Variants in ZNF670 observed in about 807,000 individuals in gnomAD.
ZNF670 encodes zinc finger protein 670.
ZNF670 carries 7 observed loss-of-function variants against 10.9 expected under a neutral mutation model. The observed-to-expected ratio is 0.64, with a 90% confidence interval of 0.36 to 1.20. The LOEUF is 1.20. Ranked by LOEUF, ZNF670 falls within the 50% of genes most tolerant of loss-of-function variation. The probability of loss-of-function intolerance (pLI) is 0.02; values close to 1 mark genes in which losing one functional copy is unlikely to be tolerated. For synonymous variants in ZNF670, 136 were observed against 152.7 expected, an observed-to-expected ratio of 0.89 and a Z score of 0.81; for missense variants, 446 against 458.6, an observed-to-expected ratio of 0.97 and a Z score of 0.25.
At chr1:247,056,993 G>A (rs773888325) in intron 1 of ZNF670, among the ~76,000 whole-genome samples, 13 of 152,140 alleles carry the variant, frequency 8.5e-5, no homozygotes, top group Non-Finnish European at 1.9e-4. Context: ...AAACATGGAC[G>A]AATGAGATCC....
chr1:247,051,874 T>C (rs1438725319), intron 1 of ZNF670, among the ~76,000 whole-genome samples: 1 of 152,004 alleles, frequency 6.6e-6, no homozygotes, highest in Non-Finnish European at 1.5e-5. Context: ...TTCACTTCTA[T>C]TGTTGAAACT....
intron 1 of ZNF670, among the ~76,000 whole-genome samples, chr1:247,060,610 T>G (rs1009387290): frequency 6.6e-6 from 1 of 152,164 alleles, no homozygotes; most frequent in African/African-American, 2.4e-5. Flanking sequence ...CAGGTAAATA[T>G]GGGAACTCCG....
At chr1:247,050,600 C>T (rs565807029) in intron 1 of ZNF670, among the ~76,000 whole-genome samples, 5 of 152,072 alleles carry the variant, frequency 3.3e-5, no homozygotes, top group Admixed American at 6.5e-5. Context: ...CTCAGCCACC[C>T]GAATAGCTGG....
intron 1 of ZNF670, among the ~76,000 whole-genome samples, chr1:247,065,362 T>C (rs367555940): frequency 8.3e-4 from 126 of 152,316 alleles, no homozygotes; most frequent in African/African-American, 3.0e-3. Flanking sequence ...CCAGAAGTGA[T>C]GAGTCCCTGG....
chr1:247,052,073 T>C (rs1112137), intron 1 of ZNF670, among the ~76,000 whole-genome samples: 53,472 of 151,606 alleles, frequency 0.35, 10,867 homozygotes, highest in African/African-American at 0.55. Flanking sequence ...AATCAACCTT[T>C]TAAATTCTTT....
chr1:247,076,317 C>T (rs966757098), intron 1 of ZNF670, among the ~76,000 whole-genome samples: 2 of 150,910 alleles, frequency 1.3e-5, no homozygotes, highest in African/African-American at 2.4e-5. Context: ...AGTGCAGTGG[C>T]GTGATCTCAG....
chr1:247,038,421 A>T lies in ZNF670; in HGVS notation c.198T>A (p.His66Gln). 1 of 1,602,736 alleles carries T rather than the reference A, an allele frequency of 6.2e-7. No individual in the cohort carries two copies. Among genetic ancestry groups the T allele is most frequent in the South Asian group, 1.1e-5 (1 of 89,926 alleles). The part of the protein sequence containing the change: ...FKNPGRNLSS[H>Q]VVERLFEIKE... ...TAATTTCAAACAGTCTCTCTACCAC[A>T]TGACTGCTGTAAAAATGATAAACAT... Residue 66 changes from histidine to glutamine, a missense_variant, in exon 4 of 4, where the codon CAT becomes CAA. Physicochemically the swap from His to Gln is conservative, Grantham distance 24. Coordinates refer to ENST00000366503, the MANE Select transcript of ZNF670 (RefSeq NM_033213.5).
chr1:247,042,715 G>C (rs1670346224), intron 1 of ZNF670: 1 of 358,564 alleles, frequency 2.8e-6, no homozygotes, highest in Non-Finnish European at 5.1e-6. Context: ...AATGGAGACA[G>C]ACACTTCTGA....
intron 1 of ZNF670, chr1:247,043,209 A>T: frequency 1.4e-6 from 1 of 709,914 alleles, no homozygotes; most frequent in Non-Finnish European, 2.6e-6. Flanking sequence ...GGCCATACGC[A>T]TCACTAACAC....
chr1:247,037,455 C>T lies in ZNF670; in HGVS notation c.1164G>A (p.Met388Ile). 6.2e-7 allele frequency: 1 copy of T among 1,604,834 alleles called. No individual in the cohort carries two copies. The highest frequency in any genetic ancestry group is 8.5e-7 in the Non-Finnish European group (1 of 1,176,728). The change falls in exon 4 of 4, where the codon ATG (methionine) becomes ATA (isoleucine). Residue 388 changes from methionine to isoleucine, a missense_variant. Coordinates refer to ENST00000366503, the MANE Select transcript of ZNF670 (RefSeq NM_033213.5). ...SSLRKHERAY[M>I]W ...GTTTTGTTGTTGTTGTTTTTTACCA[C>T]ATATAAGCTCTTTCATGCTTTCGAA... is the stretch of plus-strand genomic sequence containing the variant.
In ZNF670 at chr1:247,037,985, G is replaced by C. The variant is rs929160463; in HGVS notation, c.634C>G (p.Leu212Val). ...GTATGAGTTCTTTCATGTTCACGAA[G>C]ATAACTTGAATAATTGAAGGCTTTA... Reference protein sequence around the residue: ...CDKAFNYSSYLREHERTHTGE... With the variant: ...CDKAFNYSSYVREHERTHTGE... The change falls in exon 4 of 4, where the codon CTT (leucine) becomes GTT (valine). Residue 212 changes from leucine (L) to valine (V), a missense_variant. Physicochemically the swap from Leu to Val is conservative, Grantham distance 32 (BLOSUM62 1). Transcript: ENST00000366503. 4.3e-6 allele frequency: 7 copies of C among 1,613,450 alleles called. No individual in the cohort carries two copies. The highest frequency in any genetic ancestry group is 5.9e-6 in the Non-Finnish European group (7 of 1,179,770).
Position 247,039,157 on chromosome 1 carries a change from C to G in ZNF670, c.130+254G>C, listed in dbSNP as rs1298515013. ...CACTGCAACCTCCACTTCCTAGGTTCCAGCAATTAACCTGTCTCAGGCTCC... is the reference window on the plus strand; with the variant it reads ...CACTGCAACCTCCACTTCCTAGGTTGCAGCAATTAACCTGTCTCAGGCTCC... On this transcript the variant is annotated intron_variant, in intron 2 of 3. Transcript: ENST00000366503. 2.0e-5 allele frequency among the ~76,000 whole-genome samples: 3 copies of G among 149,172 alleles called. No individual in the cohort carries two copies. In the Admixed American group the frequency reaches 2.0e-4, roughly 10 times the overall value.
intron 2 of ZNF670, among the ~76,000 whole-genome samples, 190 bp from the exon 3 acceptor site, chr1:247,039,060 C>CTTTTTTTT (rs3078762): frequency 2.1e-4 from 26 of 125,624 alleles, no homozygotes; most frequent in African/African-American, 4.6e-4. Context: ...TTCTTTCTTT[C>CTTTTTTTT]TTTTTTTTTT....
chr1:247,037,891 T>A lies in ZNF670; in HGVS notation c.728A>T (p.His243Leu), dbSNP rs200652027. 1.2e-6 allele frequency: 2 copies of A among 1,614,058 alleles called. No individual in the cohort carries two copies. Among genetic ancestry groups the A allele is most frequent in the South Asian group, 2.2e-5 (2 of 91,034 alleles). ...SFTFSSSLRQ[H>L]ERSHTGEKPY... ...TTTCTCTCCAGTATGAGATCTTTCA[T>A]GTTGGCGAAGAGAACTGGAAAAAGT... Residue 243 changes from histidine to leucine, a missense_variant, in exon 4 of 4, where the codon CAT (histidine) becomes CTT (leucine). Physicochemically the swap from His to Leu is moderately conservative, Grantham distance 99 (BLOSUM62 -3). Transcript: ENST00000366503.
At chr1:247,076,356 A>C (rs1332245014) in intron 1 of ZNF670, among the ~76,000 whole-genome samples, 2 of 150,612 alleles carry the variant, frequency 1.3e-5, no homozygotes, top group African/African-American at 4.9e-5. Flanking sequence ...TCCTAGGTTC[A>C]CGCCATTCTC....
chr1:247,035,145 G>A lies in ZNF670; in HGVS notation c.*2304C>T, dbSNP rs567443480. 1.3e-5 allele frequency among the ~76,000 whole-genome samples: 2 copies of A among 152,326 alleles called. No individual in the cohort carries two copies. The highest frequency in any genetic ancestry group is 2.9e-5 in the Non-Finnish European group (2 of 68,028). The stretch of plus-strand genomic sequence containing the variant: ...TAGACAAAAGCAGGTAGTTAAAGCT[G>A]AAAAGATATCATCAGTCATGGTTGG... On this transcript the variant is annotated 3_prime_UTR_variant, in exon 4 of 4. Transcript: ENST00000366503.
At chr1:247,063,390 T>C (rs999149108) in intron 1 of ZNF670, among the ~76,000 whole-genome samples, 2 of 151,958 alleles carry the variant, frequency 1.3e-5, no homozygotes, top group African/African-American at 2.4e-5. Flanking sequence ...GAGACCATCC[T>C]GGCTAACACG....
chr1:247,063,807 G>A (rs1254096020), intron 1 of ZNF670, among the ~76,000 whole-genome samples: 3 of 152,148 alleles, frequency 2.0e-5, no homozygotes, highest in African/African-American at 2.4e-5. Context: ...ACTCTCCTCC[G>A]ATGACTCTCC....
intron 1 of ZNF670, among the ~76,000 whole-genome samples, chr1:247,041,720 T>C (rs532515245): frequency 6.6e-5 from 10 of 152,216 alleles, no homozygotes; most frequent in African/African-American, 2.4e-4. Flanking sequence ...AGCAAAAAAA[T>C]ACAATTGAAA....
Sources: allele counts gnomAD v4.1 joint callset (sites outside exome capture counted in the v4.1 genomes callset), GRCh38; gene constraint gnomAD v4.1.1; transcripts MANE v1.5; gene names NCBI Gene and HGNC (gene_info 2026-07-23, HGNC 2026-07-21).